Variants in ARL8B observed in about 807,000 individuals in gnomAD.
ARL8B encodes the protein ARF like GTPase 8B, also known as ADP-ribosylation factor-like protein 8B.
Under a neutral mutation model 30.6 loss-of-function variants are expected in ARL8B, and 9 were observed. The ratio of observed to expected loss-of-function variants is 0.29; its 90% confidence interval spans 0.18 to 0.51. ARL8B has a LOEUF of 0.51. Among genes scored for constraint, ARL8B ranks in the 20% least tolerant of loss-of-function variants. The pLI is 0.97. For synonymous variants in ARL8B, 74 were observed against 76.0 expected (o/e 0.97, Z 0.14); for missense variants, 130 against 227.2 (o/e 0.57, Z 2.75).
chr3:5,153,472 G>A (rs2054503808), intron 1 of ARL8B, among the ~76,000 whole-genome samples: 1 of 152,002 alleles, frequency 6.6e-6, no homozygotes, highest in South Asian at 2.1e-4. Flanking sequence ...TGATTGTGAG[G>A]CTTCCCCAGC....
At chr3:5,153,166 G>A (rs970118329) in intron 1 of ARL8B, among the ~76,000 whole-genome samples, 1 of 152,136 alleles carries the variant, frequency 6.6e-6, no homozygotes, top group African/African-American at 2.4e-5. Context: ...CAACGTAGAG[G>A]CCCCTTTACC....
At chr3:5,132,777 T>C (rs1178754604) in intron 1 of ARL8B, among the ~76,000 whole-genome samples, 2 of 152,214 alleles carry the variant, frequency 1.3e-5, no homozygotes, top group Non-Finnish European at 2.9e-5. Context: ...GATAGATAAC[T>C]TATAAATGTA....
chr3:5,174,454 T>C (rs2054707216), intron 6 of ARL8B, 40 bp downstream of exon 6: 1 of 1,270,116 alleles, frequency 7.9e-7, no homozygotes, highest in Middle Eastern at 1.9e-4. Context: ...ATGGGTATCA[T>C]TGGAAGGAAT....
At chr3:5,156,798 A>T (rs954825244) in intron 1 of ARL8B, 1 of 152,268 alleles carries the variant, frequency 6.6e-6, no homozygotes, top group African/African-American at 2.4e-5. Flanking sequence ...CATGTTGGCC[A>T]GGCTGGTCTT....
chr3:5,150,713 G>A (rs916780279), intron 1 of ARL8B, among the ~76,000 whole-genome samples: 4 of 152,158 alleles, frequency 2.6e-5, no homozygotes, highest in East Asian at 1.9e-4. Context: ...AACCCGGGAG[G>A]GGAAGCTTGC....
chr3:5,143,534 C>G (rs1468696920), intron 1 of ARL8B, among the ~76,000 whole-genome samples: 2 of 152,246 alleles, frequency 1.3e-5, no homozygotes, highest in African/African-American at 4.8e-5. Context: ...GCACTTTCCA[C>G]TGGTCTTGTT....
Position 5,130,187 on chromosome 3 carries a change from A to AT in ARL8B, c.123+7599_123+7600insT, listed in dbSNP as rs952926864. On this transcript the variant is annotated intron_variant, in intron 1 of 6. Transcript: ENST00000256496. ...CCAAGGTCATATTCTCTTAAAAAAA[A>AT]ATATATATTTTTTTTTTGTAGAGAC... Among the ~76,000 whole-genome samples the AT allele has an allele frequency of 8.8e-3, 1,138 of 129,672 alleles. 3 individuals are homozygous for AT. Among genetic ancestry groups the AT allele is most frequent in the African/African-American group, 0.015 (570 of 38,136 alleles). The allele number at this position is 129,672 out of a possible 152,430, so 85.1% of individuals were successfully genotyped here.
At chr3:5,167,669 G>T (rs577620004) in intron 1 of ARL8B, among the ~76,000 whole-genome samples, 2 of 152,284 alleles carry the variant, frequency 1.3e-5, no homozygotes, top group Admixed American at 1.3e-4. Context: ...TGAAGATAAT[G>T]CTACTCATTT....
At chr3:5,133,996 T>C (rs1389720897) in intron 1 of ARL8B, among the ~76,000 whole-genome samples, 1 of 152,114 alleles carries the variant, frequency 6.6e-6, no homozygotes, top group Non-Finnish European at 1.5e-5. Context: ...ATTAATGATA[T>C]AAAGGGATGG....
chr3:5,173,266 G>T (rs2054693051), intron 4 of ARL8B, among the ~76,000 whole-genome samples: 1 of 152,194 alleles, frequency 6.6e-6, no homozygotes, highest in Non-Finnish European at 1.5e-5. Flanking sequence ...AGGCCTTTGG[G>T]TGGGAGGAAG....
At position 5,139,987 on chromosome 3, in the gene ARL8B, G is replaced by GTT. The variant is rs375903438; in HGVS notation, c.123+17415_123+17416dup. On this transcript the variant is annotated intron_variant, in intron 1 of 6. Transcript: ENST00000256496. The stretch of plus-strand genomic sequence containing the variant: ...CACTACACAAGATGTGATTAGTTTT[G>GTT]TTTTTTTTTTTTTTTTTGAGACGGA... 3.6e-3 allele frequency among the ~76,000 whole-genome samples: 474 copies of GTT among 130,016 alleles called. 8 individuals are homozygous for GTT. Among genetic ancestry groups the GTT allele is most frequent in the East Asian group, 0.018 (80 of 4,518 alleles). The allele number at this position is 130,016 out of a possible 152,430, so 85.3% of individuals were successfully genotyped here.
chr3:5,170,682 T>G, intron 2 of ARL8B, 99 bp downstream of exon 2: 1 of 819,736 alleles, frequency 1.2e-6, no homozygotes, highest in East Asian at 2.8e-5. Flanking sequence ...TTTGCAGTTT[T>G]TCAGTAATGA....
At chr3:5,151,724 C>G (rs115216266) in intron 1 of ARL8B, among the ~76,000 whole-genome samples, 6 of 121,690 alleles carry the variant, frequency 4.9e-5, no homozygotes, top group African/African-American at 1.6e-4. Flanking sequence ...TCCCCCCACC[C>G]CCCCCCTTGG....
intron 6 of ARL8B, among the ~76,000 whole-genome samples, chr3:5,174,785 T>C (rs928736836): frequency 2.1e-5 from 3 of 144,460 alleles, no homozygotes; most frequent in African/African-American, 7.5e-5. Flanking sequence ...AACATAAATA[T>C]ATATATATAA....
chr3:5,146,005 A>G (rs1196856316), intron 1 of ARL8B, among the ~76,000 whole-genome samples: 1 of 152,220 alleles, frequency 6.6e-6, no homozygotes. Context: ...CTCCCCAGAA[A>G]TTAAAAGATC....
At chr3:5,163,163 T>G (rs2054596231) in intron 1 of ARL8B, among the ~76,000 whole-genome samples, 1 of 151,988 alleles carries the variant, frequency 6.6e-6, no homozygotes, top group South Asian at 2.1e-4. Context: ...AATTTTTTAT[T>G]TTTAGTAAAG....
At chr3:5,155,748 C>G (rs1026568169) in intron 1 of ARL8B, among the ~76,000 whole-genome samples, 1 of 138,680 alleles carries the variant, frequency 7.2e-6, no homozygotes, top group Non-Finnish European at 1.5e-5. Flanking sequence ...CTTTTCAACT[C>G]TGAACACTTT....
At chr3:5,161,208 C>G (rs982937201) in intron 1 of ARL8B, among the ~76,000 whole-genome samples, 5 of 152,226 alleles carry the variant, frequency 3.3e-5, no homozygotes, top group Admixed American at 2.6e-4. Flanking sequence ...CCAGCCTTTA[C>G]CACTAGTTAT....
chr3:5,125,721 C>T (rs140747956), intron 1 of ARL8B, among the ~76,000 whole-genome samples: 3 of 152,122 alleles, frequency 2.0e-5, no homozygotes, highest in Admixed American at 6.5e-5. Flanking sequence ...TTAGTAGAGA[C>T]GGGGTTTCAC....
Sources: allele counts gnomAD v4.1 joint callset (sites outside exome capture counted in the v4.1 genomes callset), GRCh38; gene constraint gnomAD v4.1.1; transcripts MANE v1.5; gene names NCBI Gene and HGNC (gene_info 2026-07-23, HGNC 2026-07-21).